PXT1: variants seen among roughly 807,000 people sequenced by gnomAD.
PXT1 encodes the protein peroxisomal testis enriched protein 1.
Under a neutral mutation model 11.0 loss-of-function variants are expected in PXT1, and 11 were observed. The ratio of observed to expected loss-of-function variants is 1.00; its 90% CI spans 0.63 to 1.66. PXT1 has a LOEUF of 1.66. Among genes scored for constraint, PXT1 ranks in the 40% most tolerant of loss-of-function variants. PXT1 has a pLI of 0.00. For missense variants in PXT1, 141 were observed against 155.5 expected, an observed-to-expected ratio of 0.91 and a Z score of 0.49; for synonymous variants, 43 against 51.4, an observed-to-expected ratio of 0.84 and a Z score of 0.70.
intron 3 of PXT1, 63 bp from the exon 4 acceptor site, chr6:36,400,647 C>A (rs1437529051): frequency 2.1e-5 from 32 of 1,502,812 alleles, no homozygotes; most frequent in Non-Finnish European, 2.5e-5. Context: ...AAATCACTTA[C>A]CACTAGTTAC....
At chr6:36,440,427 G>A (rs978546659) in intron 1 of PXT1, among the ~76,000 whole-genome samples, 3 of 151,866 alleles carry the variant, frequency 2.0e-5, no homozygotes, top group Non-Finnish European at 4.4e-5. Context: ...AAAATTAGCC[G>A]GGCACAGTGG....
At chr6:36,417,811 A>C (rs1774471607) in intron 3 of PXT1, among the ~76,000 whole-genome samples, 1 of 151,522 alleles carries the variant, frequency 6.6e-6, no homozygotes, top group African/African-American at 2.4e-5. Context: ...AGAAAAAAAG[A>C]GAGAGAGGAA....
intron 4 of PXT1, 39 bp from the exon 5 acceptor site, chr6:36,391,913 T>A: frequency 8.1e-7 from 1 of 1,232,182 alleles, no homozygotes; most frequent in Non-Finnish European, 1.1e-6. Flanking sequence ...AGGTTTTTTT[T>A]TTTTTTTAAA....
intron 3 of PXT1, among the ~76,000 whole-genome samples, chr6:36,401,607 C>T (rs141359012): frequency 3.9e-5 from 5 of 126,842 alleles, no homozygotes; most frequent in African/African-American, 5.7e-5. Context: ...CAGAGCAAGA[C>T]CCTGTCTCAA....
intron 3 of PXT1, among the ~76,000 whole-genome samples, chr6:36,402,452 CAA>C (rs1426539738): frequency 6.6e-6 from 1 of 152,180 alleles, no homozygotes; most frequent in Non-Finnish European, 1.5e-5. Context: ...GCCTTGAACT[CAA>C]AGAGTCCAGT....
chr6:36,392,000 T>C (rs752228406), intron 4 of PXT1, 126 bp from the exon 5 acceptor site: 133 of 655,772 alleles, frequency 2.0e-4, no homozygotes, highest in Non-Finnish European at 3.0e-4. Context: ...AACAAGCTTC[T>C]TGGGTTGCTT....
chr6:36,402,985 A>T (rs1774236504), intron 3 of PXT1, among the ~76,000 whole-genome samples: 1 of 146,748 alleles, frequency 6.8e-6, no homozygotes, highest in Non-Finnish European at 1.5e-5. Flanking sequence ...TCACTCTGTC[A>T]CCCAGCAATG....
chr6:36,437,584 G>C (rs1476615632), intron 2 of PXT1, among the ~76,000 whole-genome samples: 2 of 149,760 alleles, frequency 1.3e-5, no homozygotes, highest in Non-Finnish European at 3.0e-5. Context: ...CGCGATCTCG[G>C]CTCACTGCAA....
At chr6:36,406,217 C>T (rs1007851990) in intron 3 of PXT1, among the ~76,000 whole-genome samples, 1 of 152,206 alleles carries the variant, frequency 6.6e-6, no homozygotes, top group Non-Finnish European at 1.5e-5. Flanking sequence ...ACCACAACCT[C>T]AGGCCAAAGT....
At chr6:36,433,837 A>AAAAAAAAAAAAAAG (rs10677902) in intron 2 of PXT1, among the ~76,000 whole-genome samples, 3 of 132,852 alleles carry the variant, frequency 2.3e-5, no homozygotes, top group Non-Finnish European at 4.7e-5. Context: ...AAAAAAAAAA[A>AAAAAAAAAAAAAAG]AAAGAAAAGA....
intron 3 of PXT1, among the ~76,000 whole-genome samples, chr6:36,416,320 G>T (rs1291166739): frequency 6.6e-6 from 1 of 152,130 alleles, no homozygotes; most frequent in African/African-American, 2.4e-5. Flanking sequence ...CTGCACTCCT[G>T]CCTGGGCAAC....
intron 4 of PXT1, among the ~76,000 whole-genome samples, chr6:36,397,677 A>G (rs1774162645): frequency 6.6e-6 from 1 of 152,194 alleles, no homozygotes; most frequent in African/African-American, 2.4e-5. Context: ...GTACACTATC[A>G]ATAAAGTAAA....
At chr6:36,405,517 T>G (rs969423962) in intron 3 of PXT1, among the ~76,000 whole-genome samples, 1 of 152,200 alleles carries the variant, frequency 6.6e-6, no homozygotes, top group African/African-American at 2.4e-5. Context: ...TGGCTGGGAC[T>G]ACAGGCACGT....
At chr6:36,441,718 C>T (rs1163830454) in intron 1 of PXT1, among the ~76,000 whole-genome samples, 1 of 152,126 alleles carries the variant, frequency 6.6e-6, no homozygotes, top group Non-Finnish European at 1.5e-5. Flanking sequence ...TAGTCATAAA[C>T]GAGGGAGAAT....
At chr6:36,421,843 A>C (rs1774528811) in intron 3 of PXT1, among the ~76,000 whole-genome samples, 1 of 151,958 alleles carries the variant, frequency 6.6e-6, no homozygotes, top group African/African-American at 2.4e-5. Flanking sequence ...CAACCTCCTT[A>C]CTCTTCTTTT....
chr6:36,439,186 C>T (rs1047391375), intron 1 of PXT1, among the ~76,000 whole-genome samples: 10 of 151,522 alleles, frequency 6.6e-5, no homozygotes, highest in Admixed American at 2.0e-4. Context: ...TTAGTAGAGA[C>T]GGGGTTTCAC....
rs1774439804 is a variant in PXT1 at position 36,415,902 on chromosome 6, A to G, written c.169+10012T>C. Among the ~76,000 whole-genome samples, 8 of 152,156 alleles carry G rather than the reference A, an allele frequency of 5.3e-5. No individual in the cohort carries two copies. The South Asian group carries it at 1.7e-3, about 31-fold the overall frequency. On this transcript the variant is annotated intron_variant, in intron 3 of 4. Transcript: ENST00000454782. ...AGGAGATAAGATATGATGCTCATTT[A>G]AGGAAGTCTGGAAGAAGTGAGAGGA... is the stretch of plus-strand genomic sequence containing the variant.
chr6:36,420,779 G>A (rs192687663), intron 3 of PXT1, among the ~76,000 whole-genome samples: 5 of 152,242 alleles, frequency 3.3e-5, no homozygotes, highest in Non-Finnish European at 7.3e-5. Context: ...AGGGCCAGGC[G>A]TGGTGACTCA....
At position 36,391,819 on chromosome 6, in the gene PXT1, C is replaced by A. The variant is rs780619800; in HGVS notation, c.356G>T (p.Arg119Ile). 6.2e-6 allele frequency: 10 copies of A among 1,613,298 alleles called. No individual in the cohort carries two copies. The South Asian group carries it at 8.8e-5, about 14-fold the overall frequency. ...ALDHFVFFFF[R>I]RVQVLLHFFW... ...AAAATGCAGCAACACCTGAACTCTTCTAAAGAAAAAGAAGACAAAATGATC... is the reference window on the plus strand; with the variant it reads ...AAAATGCAGCAACACCTGAACTCTTATAAAGAAAAAGAAGACAAAATGATC... Residue 119 changes from arginine (R) to isoleucine (I), a missense_variant, in exon 5 of 5, where the codon AGA becomes ATA. Physicochemically the swap from Arg to Ile is moderately conservative, Grantham distance 97 (BLOSUM62 -3). Transcript: ENST00000454782.
Sources: allele counts gnomAD v4.1 joint callset (sites outside exome capture counted in the v4.1 genomes callset), GRCh38; gene constraint gnomAD v4.1.1; transcripts MANE v1.5; gene names NCBI Gene and HGNC (gene_info 2026-07-23, HGNC 2026-07-21).